Variants in NFATC1 observed in about 807,000 individuals in gnomAD.
The protein encoded by NFATC1 is nuclear factor of activated T-cells, cytoplasmic 1.
Under a neutral mutation model 76.0 loss-of-function variants are expected in NFATC1, and 22 were observed. That is an observed-to-expected ratio of 0.29 (90% confidence interval 0.21 to 0.41). NFATC1 has a LOEUF of 0.41. Among genes scored for constraint, NFATC1 ranks in the 10% least tolerant of loss-of-function variants. NFATC1 has a pLI of 1.00. For missense variants in NFATC1, 1,357 were observed against 1,337.7 expected, an observed-to-expected ratio of 1.01 and a Z score of -0.23; for synonymous variants, 704 against 613.1, an observed-to-expected ratio of 1.15 and a Z score of -2.19.
At chr18:79,527,465 G>T (rs2090799506) in intron 9 of NFATC1, 63 bp from the exon 10 acceptor site, 1 of 1,353,216 alleles carries the variant, frequency 7.4e-7, no homozygotes, top group South Asian at 1.2e-5. Context: ...AGCAGGGCTG[G>T]GGGCGTTGCT....
chr18:79,452,559 C>T (rs2087521065), intron 6 of NFATC1, among the ~76,000 whole-genome samples: 3 of 152,230 alleles, frequency 2.0e-5, no homozygotes, highest in Admixed American at 2.0e-4. Context: ...GGCCCCAGCA[C>T]TCTCATCCCA....
chr18:79,463,406 G>C (rs925608541), intron 7 of NFATC1, among the ~76,000 whole-genome samples: 3 of 90,048 alleles, frequency 3.3e-5, no homozygotes, highest in Non-Finnish European at 7.3e-5. Flanking sequence ...GGCAAAGGCA[G>C]CTGGAGCTGC....
intron 9 of NFATC1, among the ~76,000 whole-genome samples, chr18:79,501,810 T>G (rs2090021611): frequency 6.6e-6 from 1 of 152,120 alleles, no homozygotes; most frequent in African/African-American, 2.4e-5. Context: ...TTTAAAGAAG[T>G]TAAGGACTTA....
chr18:79,441,701 C>T (rs1398511449), intron 3 of NFATC1, among the ~76,000 whole-genome samples: 2 of 152,086 alleles, frequency 1.3e-5, no homozygotes, highest in Admixed American at 6.5e-5. Context: ...CTCAGTGGCA[C>T]GGATGTCTCT....
intron 1 of NFATC1, among the ~76,000 whole-genome samples, chr18:79,406,420 A>C (rs1358531062): frequency 3.3e-5 from 5 of 151,358 alleles, no homozygotes; most frequent in African/African-American, 1.2e-4. Context: ...TGTGGGAGGG[A>C]GGCTGGGCCC....
At chr18:79,521,225 G>A (rs1239250415) in intron 9 of NFATC1, among the ~76,000 whole-genome samples, 3 of 110,614 alleles carry the variant, frequency 2.7e-5, no homozygotes, top group East Asian at 3.1e-4. Flanking sequence ...CTGTGTGTGG[G>A]GGGTGGAGCA....
chr18:79,487,023 T>A, intron 9 of NFATC1, 86 bp downstream of exon 9: 1 of 1,406,694 alleles, frequency 7.1e-7, no homozygotes, highest in Non-Finnish European at 9.6e-7. Flanking sequence ...GCTGCGTGTG[T>A]GGCACGTGTG....
chr18:79,453,825 C>T (rs996705574), intron 6 of NFATC1, among the ~76,000 whole-genome samples: 3 of 152,228 alleles, frequency 2.0e-5, no homozygotes, highest in Non-Finnish European at 4.4e-5. Context: ...CATACACACA[C>T]AAGCACATTC....
At chr18:79,522,280 C>T (rs1416422163) in intron 9 of NFATC1, among the ~76,000 whole-genome samples, 2 of 125,060 alleles carry the variant, frequency 1.6e-5, no homozygotes, top group African/African-American at 3.1e-5. Context: ...TAGAGGGGTG[C>T]GTCTACTGAT....
At chr18:79,421,923 G>A (rs796836073) in intron 2 of NFATC1, 11 of 152,364 alleles carry the variant, frequency 7.2e-5, no homozygotes, top group Non-Finnish European at 1.0e-4. Flanking sequence ...AGCTCCAGGC[G>A]TCAGAGTCTG....
intron 8 of NFATC1, chr18:79,469,316 T>C: frequency 2.0e-6 from 2 of 985,456 alleles, no homozygotes; most frequent in Non-Finnish European, 2.4e-6. Context: ...TTTTCTTATT[T>C]GCTCAGCATG....
At chr18:79,469,376 C>T (rs1241263803) in intron 8 of NFATC1, 5 of 985,334 alleles carry the variant, frequency 5.1e-6, no homozygotes, top group South Asian at 4.7e-5. Flanking sequence ...GCACAGATCA[C>T]GTATCTCAGA....
At chr18:79,495,132 C>T (rs941039599) in intron 9 of NFATC1, among the ~76,000 whole-genome samples, 1 of 152,258 alleles carries the variant, frequency 6.6e-6, no homozygotes, top group African/African-American at 2.4e-5. Flanking sequence ...ATAGGGGCTG[C>T]ATGGGCTGTG....
chr18:79,419,079 C>T (rs1352392692), intron 2 of NFATC1, among the ~76,000 whole-genome samples: 1 of 152,124 alleles, frequency 6.6e-6, no homozygotes, highest in African/African-American at 2.4e-5. Flanking sequence ...GGCTGGAGTG[C>T]AGGGTGTCAT....
At chr18:79,430,048 C>T (rs572417142) in intron 2 of NFATC1, among the ~76,000 whole-genome samples, 34 of 152,354 alleles carry the variant, frequency 2.2e-4, no homozygotes, top group African/African-American at 7.9e-4. Flanking sequence ...GGCCACGCCA[C>T]GTGGCTAGGG....
At chr18:79,483,498 T>A in intron 8 of NFATC1, among the ~76,000 whole-genome samples, 1 of 93,690 alleles carries the variant, frequency 1.1e-5, no homozygotes, top group African/African-American at 5.1e-5. Flanking sequence ...GTGACCTGGT[T>A]CCTGGGGTGT....
At chr18:79,404,661 C>T (rs1179793564) in intron 1 of NFATC1, among the ~76,000 whole-genome samples, 3 of 152,214 alleles carry the variant, frequency 2.0e-5, no homozygotes, top group African/African-American at 4.8e-5. Flanking sequence ...TGATGGCCGC[C>T]TCTCAGAGTT....
intron 9 of NFATC1, among the ~76,000 whole-genome samples, chr18:79,494,763 G>A (rs576030232): frequency 5.1e-4 from 37 of 72,882 alleles, no homozygotes; most frequent in African/African-American, 1.8e-3. Flanking sequence ...TGGTACCGCC[G>A]GGGGAAGGCG....
Position 79,486,656 on chromosome 18 carries a change from GC to G in NFATC1, c.2507del (p.Pro836LeufsTer76), listed in dbSNP as rs774801875. 6 of 1,603,636 alleles carry G rather than the reference GC, an allele frequency of 3.7e-6. No individual in the cohort carries two copies. The highest frequency in any genetic ancestry group is 2.2e-5 in the East Asian group (1 of 44,718). On this transcript the variant is annotated frameshift_variant, in exon 9 of 10. Transcript: ENST00000427363. LOFTEE classifies it high-confidence loss of function. The part of the protein sequence containing the change: ...QQVSAPPSSS[C>X]PPGLEHSLCP... Reference sequence around the variant, plus strand: ...GTGAGTGCGCCTCCAAGCAGTAGCTGCCCCCCTGGTCTCGAACACTCGCTCT... The same window carrying G: ...GTGAGTGCGCCTCCAAGCAGTAGCTGCCCCCTGGTCTCGAACACTCGCTCT...
Sources: gnomAD v4.1 joint callset for allele counts (sites outside exome capture counted in the v4.1 genomes callset) on GRCh38, gnomAD v4.1.1 for gene constraint, MANE v1.5 for transcripts, NCBI Gene and HGNC (gene_info 2026-07-23, HGNC 2026-07-21) for gene names.